DYTN: variants seen among roughly 807,000 people sequenced by gnomAD.
DYTN encodes dystrotelin.
In DYTN, 75 loss-of-function variants were observed where a neutral mutation model predicts 69.6. That is an observed-to-expected ratio of 1.08 (90% CI 0.89 to 1.31). The LOEUF (loss-of-function observed/expected upper bound fraction) is 1.31. DYTN is among the 50% of genes most tolerant of loss of function. The pLI, the probability that DYTN is intolerant of heterozygous loss-of-function variation, is 0.00. For missense variants in DYTN, 726 were observed against 688.4 expected, an observed-to-expected ratio of 1.05 and a Z score of -0.61; for synonymous variants, 252 against 249.1, an observed-to-expected ratio of 1.01 and a Z score of -0.11.
At chr2:206,662,846 A>T in intron 11 of DYTN, 57 bp downstream of exon 11, 1 of 1,545,742 alleles carries the variant, frequency 6.5e-7, no homozygotes. Flanking sequence ...TCAAGTTTTT[A>T]AAAAGGCAGC....
chr2:206,691,151 A>G (rs1482393335), intron 9 of DYTN, among the ~76,000 whole-genome samples: 2 of 152,110 alleles, frequency 1.3e-5, no homozygotes, highest in African/African-American at 2.4e-5. Flanking sequence ...GGTGGCTCAC[A>G]CCTGTAATCC....
Position 206,663,311 on chromosome 2 carries a change from G to A in DYTN, c.1225C>T (p.Pro409Ser). ...ATCTGCAAATAATCCCCTCCCTTTG[G>A]AACCTTTTCAGTTGAAGAATGGTCA... ...KVDHSSTEKV[P>S]KGGDYLQIKN... The change falls in exon 11 of 12, where the codon CCA (proline) becomes TCA (serine). Residue 409 changes from proline (P) to serine (S), a missense_variant. Transcript: ENST00000452335. 1.2e-6 allele frequency: 2 copies of A among 1,613,936 alleles called. No individual in the cohort carries two copies. Among genetic ancestry groups the A allele is most frequent in the Non-Finnish European group, 1.7e-6 (2 of 1,179,898 alleles).
chr2:206,663,391 C>T lies in DYTN; in HGVS notation c.1145G>A (p.Arg382Lys), dbSNP rs745582112. The change falls in exon 11 of 12, where the codon AGG becomes AAG. Residue 382 changes from arginine to lysine, a missense_variant. Arg to Lys is a conservative substitution (Grantham distance 26). Coordinates refer to ENST00000452335, the MANE Select transcript of DYTN (RefSeq NM_001093730.1). ...AGATGAAGGACCGGGTGGCTGCAAC[C>T]TTGCCTGGGGAAACAAAACTTTATT... ...LQQIRRDLQARLQPPGPSSSS... is the reference protein window; with the variant it reads ...LQQIRRDLQAKLQPPGPSSSS... 1.3e-6 allele frequency: 2 copies of T among 1,580,778 alleles called. No individual in the cohort carries two copies. Among genetic ancestry groups the T allele is most frequent in the Non-Finnish European group, 1.7e-6 (2 of 1,166,006 alleles).
intron 9 of DYTN, among the ~76,000 whole-genome samples, chr2:206,676,535 T>C: frequency 6.6e-6 from 1 of 152,160 alleles, no homozygotes; most frequent in East Asian, 1.9e-4. Context: ...CCATGGTACA[T>C]GTATATCTGC....
rs1404714385 is a variant in DYTN, at chr2:206,718,250, A to G, written c.19+11T>C. The G allele has an allele frequency of 6.9e-6, 11 of 1,593,684 alleles. No homozygotes were observed. The highest frequency in any genetic ancestry group is 1.3e-5 in the African/African-American group (1 of 74,240). ...ACAAACTATGCTCAGAAACTTGACA[A>G]TAATACTCACCTTGTTTATCTGGAT... On this transcript the variant is annotated intron_variant, in intron 1 of 11. Transcript: ENST00000452335.
intron 9 of DYTN, among the ~76,000 whole-genome samples, 199 bp from the exon 10 acceptor site, chr2:206,666,228 G>A (rs1699571252): frequency 6.6e-6 from 1 of 152,134 alleles, no homozygotes; most frequent in African/African-American, 2.4e-5. Flanking sequence ...TTGGTTCACT[G>A]CAACCTCTGC....
intron 11 of DYTN, among the ~76,000 whole-genome samples, chr2:206,657,439 A>G (rs1344637290): frequency 6.6e-6 from 1 of 152,226 alleles, no homozygotes; most frequent in East Asian, 1.9e-4. Flanking sequence ...CACCACATCC[A>G]GCCCACATTT....
chr2:206,703,172 G>A (rs1400327315), intron 5 of DYTN, among the ~76,000 whole-genome samples: 2 of 152,128 alleles, frequency 1.3e-5, no homozygotes, highest in African/African-American at 4.8e-5. Context: ...TGAAACAAGG[G>A]CAGATTTTTA....
intron 5 of DYTN, among the ~76,000 whole-genome samples, chr2:206,704,106 A>G (rs1250464727): frequency 2.0e-5 from 3 of 152,234 alleles, no homozygotes; most frequent in Non-Finnish European, 4.4e-5. Context: ...CACTCCATCT[A>G]TGCATTCTTT....
At position 206,707,382 on chromosome 2, in the gene DYTN, C is replaced by A; in HGVS notation, c.216G>T (p.Lys72Asn). 1 of 1,613,148 alleles carries A rather than the reference C, an allele frequency of 6.2e-7. No homozygotes were observed. Among genetic ancestry groups the A allele is most frequent in the Non-Finnish European group, 8.5e-7 (1 of 1,179,658 alleles). ...CTTGTCCTGGGTTTTCCTCCCTGGCCTTCTGAAACAGCTCTTGGAGTGCCT... is the reference window on the plus strand; with the variant it reads ...CTTGTCCTGGGTTTTCCTCCCTGGCATTCTGAAACAGCTCTTGGAGTGCCT... Reference protein sequence around the residue: ...LSQALQELFQKAREENPGQVH... With the variant: ...LSQALQELFQNAREENPGQVH... The change falls in exon 3 of 12, where the codon AAG becomes AAT. Residue 72 changes from lysine (K) to asparagine (N), a missense_variant. By Grantham distance (94) the Lys-to-Asn change is moderately conservative. Coordinates refer to ENST00000452335, the MANE Select transcript of DYTN (RefSeq NM_001093730.1).
intron 7 of DYTN, among the ~76,000 whole-genome samples, chr2:206,696,495 G>T (rs550566913): frequency 6.6e-6 from 1 of 152,278 alleles, no homozygotes; most frequent in Admixed American, 6.5e-5. Context: ...TATAATAGCA[G>T]CTAGCATTTT....
chr2:206,666,860 T>TACACACACACAC (rs35200393), intron 9 of DYTN, among the ~76,000 whole-genome samples: 40 of 137,556 alleles, frequency 2.9e-4, no homozygotes, highest in African/African-American at 9.3e-4. Flanking sequence ...ACCTCATCTC[T>TACACACACACAC]ACACACACAC....
chr2:206,652,038 G>A, intron 11 of DYTN, 117 bp from the exon 12 acceptor site: 2 of 899,744 alleles, frequency 2.2e-6, no homozygotes, highest in Non-Finnish European at 3.3e-6. Context: ...CAGTTCTCAA[G>A]GACAATGTCC....
At chr2:206,704,342 G>T (rs552070846) in intron 5 of DYTN, among the ~76,000 whole-genome samples, 3 of 152,334 alleles carry the variant, frequency 2.0e-5, no homozygotes, top group African/African-American at 7.2e-5. Context: ...TGGCCTTGTG[G>T]GTAGATAGAA....
chr2:206,688,143 G>T (rs1210517108), intron 9 of DYTN, among the ~76,000 whole-genome samples: 1 of 149,212 alleles, frequency 6.7e-6, no homozygotes, highest in Non-Finnish European at 1.5e-5. Flanking sequence ...GAAAATACAG[G>T]GTTAGGTTCC....
intron 11 of DYTN, among the ~76,000 whole-genome samples, chr2:206,652,310 G>T (rs909568927): frequency 6.6e-6 from 1 of 152,138 alleles, no homozygotes; most frequent in African/African-American, 2.4e-5. Flanking sequence ...TATATTTATT[G>T]TTAAGTTCCC....
chr2:206,715,436 A>G (rs756341762), intron 1 of DYTN, among the ~76,000 whole-genome samples: 1 of 152,086 alleles, frequency 6.6e-6, no homozygotes, highest in Admixed American at 6.5e-5. Context: ...TATCAGGGCC[A>G]GTGTTGTCTT....
At chr2:206,665,637 T>C (rs1699562251) in intron 10 of DYTN, among the ~76,000 whole-genome samples, 1 of 151,864 alleles carries the variant, frequency 6.6e-6, no homozygotes, top group Non-Finnish European at 1.5e-5. Flanking sequence ...AGAATCACTT[T>C]GCCCCAAAGT....
chr2:206,711,035 T>C (rs1218477083), intron 1 of DYTN, among the ~76,000 whole-genome samples: 1 of 152,240 alleles, frequency 6.6e-6, no homozygotes, highest in Non-Finnish European at 1.5e-5. Context: ...CCTTAGTATA[T>C]GGCCCTGGCA....
Sources: allele counts gnomAD v4.1 joint callset (sites outside exome capture counted in the v4.1 genomes callset), GRCh38; gene constraint gnomAD v4.1.1; transcripts MANE v1.5; gene names NCBI Gene and HGNC (gene_info 2026-07-23, HGNC 2026-07-21).